The following GRM5 variants were observed in gnomAD, a reference collection of about 807,000 sequenced individuals.
The protein encoded by GRM5 is glutamate metabotropic receptor 5.
GRM5 carries 19 observed loss-of-function variants against 83.1 expected under a neutral mutation model. That is an observed-to-expected ratio of 0.23 (90% CI 0.16 to 0.34). GRM5 has a LOEUF of 0.34. Ranked by LOEUF, GRM5 falls within the 10% of genes least tolerant of loss-of-function variation. The probability of loss-of-function intolerance (pLI) is 1.00; values close to 1 mark genes in which losing one functional copy is unlikely to be tolerated. For missense variants in GRM5, 1,160 were observed against 1,588.3 expected (o/e 0.73, Z 4.58); for synonymous variants, 675 against 633.6 (o/e 1.07, Z -0.98).
intron 3 of GRM5, among the ~76,000 whole-genome samples, chr11:88,820,840 A>G (rs908322876): frequency 6.6e-6 from 1 of 152,346 alleles, no homozygotes; most frequent in East Asian, 1.9e-4. Flanking sequence ...CAAGTAGAAA[A>G]TACAGTGAGC....
At chr11:88,891,412 G>A (rs316109) in intron 2 of GRM5, among the ~76,000 whole-genome samples, 147,022 of 152,136 alleles carry the variant, frequency 0.97, 71,075 homozygotes, top group East Asian at 0.99. Context: ...TTCAAGTTTC[G>A]AAATTGTCTT....
chr11:88,625,584 A>G (rs538248806), intron 4 of GRM5, among the ~76,000 whole-genome samples: 4 of 152,128 alleles, frequency 2.6e-5, no homozygotes, highest in Non-Finnish European at 5.9e-5. Context: ...AGGCCATGCA[A>G]CTTACTCTTA....
intron 9 of GRM5, among the ~76,000 whole-genome samples, chr11:88,512,858 C>T (rs1007470851): frequency 6.6e-6 from 1 of 152,156 alleles, no homozygotes; most frequent in Non-Finnish European, 1.5e-5. Context: ...ATTTTGAACC[C>T]TGGTTTAAGG....
intron 7 of GRM5, among the ~76,000 whole-genome samples, chr11:88,577,088 T>C (rs1943127145): frequency 6.6e-6 from 1 of 152,088 alleles, no homozygotes; most frequent in African/African-American, 2.4e-5. Context: ...ATTCCTTCTG[T>C]GTTCCCATAT....
intron 3 of GRM5, among the ~76,000 whole-genome samples, chr11:88,754,104 C>A (rs1458481962): frequency 6.6e-6 from 1 of 151,958 alleles, no homozygotes; most frequent in Non-Finnish European, 1.5e-5. Context: ...TATGTAGGCA[C>A]CAAAAGGAAT....
intron 3 of GRM5, among the ~76,000 whole-genome samples, chr11:88,730,811 T>G (rs1273047098): frequency 6.6e-6 from 1 of 152,052 alleles, no homozygotes; most frequent in Non-Finnish European, 1.5e-5. Context: ...AAGTGGAAGT[T>G]GAACAATGAG....
chr11:89,053,889 C>T (rs183410447), intron 1 of GRM5, among the ~76,000 whole-genome samples: 1 of 152,116 alleles, frequency 6.6e-6, no homozygotes. Flanking sequence ...CTAAGACAGA[C>T]TTAATATTTA....
chr11:89,054,541 A>G (rs1941831370), intron 1 of GRM5, among the ~76,000 whole-genome samples: 1 of 152,198 alleles, frequency 6.6e-6, no homozygotes, highest in African/African-American at 2.4e-5. Flanking sequence ...AGGTGTGAGT[A>G]TACAGAAGTC....
At chr11:89,046,450 A>C (rs1276492558) in intron 2 of GRM5, among the ~76,000 whole-genome samples, 1 of 152,130 alleles carries the variant, frequency 6.6e-6, no homozygotes, top group East Asian at 1.9e-4. Context: ...AGGTCAAAAC[A>C]AATTTTTTCC....
chr11:88,820,539 ACTATGATGAACCTGG>A (rs1289145980), intron 3 of GRM5, among the ~76,000 whole-genome samples: 3 of 152,148 alleles, frequency 2.0e-5, no homozygotes, highest in Non-Finnish European at 4.4e-5. Context: ...AATTTGAAAA[ACTATGATGAACCTGG>A]CTTTTACAGT....
intron 8 of GRM5, among the ~76,000 whole-genome samples, chr11:88,548,035 G>A (rs530472262): frequency 2.2e-4 from 33 of 152,324 alleles, no homozygotes; most frequent in South Asian, 6.2e-4. Context: ...GACCAAAAAT[G>A]TGTGTCCAGG....
At chr11:88,963,765 G>A (rs675069) in intron 2 of GRM5, among the ~76,000 whole-genome samples, 134,490 of 152,114 alleles carry the variant, frequency 0.88, 61,712 homozygotes, top group Non-Finnish European at 0.99. Context: ...TATAAAATAC[G>A]TGGCATTCTC....
chr11:88,861,422 T>C (rs972938), intron 2 of GRM5, among the ~76,000 whole-genome samples: 67,583 of 151,818 alleles, frequency 0.45, 15,368 homozygotes, highest in East Asian at 0.57. Context: ...CTTCAAGAGT[T>C]GGCTGAAAGT....
intron 3 of GRM5, among the ~76,000 whole-genome samples, chr11:88,841,153 A>G (rs1312833732): frequency 6.6e-6 from 1 of 152,150 alleles, no homozygotes; most frequent in Non-Finnish European, 1.5e-5. Flanking sequence ...TTCTTTACTA[A>G]TAAATGTTCT....
At position 88,804,854 on chromosome 11, in the gene GRM5, A is replaced by T. The variant is rs542211722; in HGVS notation, c.911+45052T>A. Among the ~76,000 whole-genome samples, 23 of 152,220 alleles carry T rather than the reference A, an allele frequency of 1.5e-4. No homozygotes were observed. In the East Asian group the frequency reaches 3.5e-3, roughly 23 times the overall value. On this transcript the variant is annotated intron_variant, in intron 3 of 9. Transcript: ENST00000305447. ...GGGTGGCAGAGGATGAGGGATGAGA[A>T]ATTACTTAATGGGTACAATGTACCT... is the stretch of plus-strand genomic sequence containing the variant.
chr11:88,752,675 G>A (rs1405305143), intron 3 of GRM5, among the ~76,000 whole-genome samples: 3 of 152,146 alleles, frequency 2.0e-5, no homozygotes, highest in Non-Finnish European at 4.4e-5. Context: ...CAAAGCTGAA[G>A]GCATCATGCT....
intron 3 of GRM5, among the ~76,000 whole-genome samples, chr11:88,781,074 A>C (rs1257532782): frequency 6.6e-6 from 1 of 150,888 alleles, no homozygotes; most frequent in Non-Finnish European, 1.5e-5. Flanking sequence ...AAAACACATA[A>C]ATTAGACAAT....
intron 2 of GRM5, among the ~76,000 whole-genome samples, chr11:88,955,879 G>A (rs1294604975): frequency 1.3e-5 from 2 of 152,202 alleles, no homozygotes; most frequent in Admixed American, 1.3e-4. Context: ...TTATCTGAAA[G>A]CCTTGTTATT....
chr11:88,851,058 G>A (rs907608019), intron 2 of GRM5, among the ~76,000 whole-genome samples: 4 of 152,080 alleles, frequency 2.6e-5, no homozygotes, highest in Non-Finnish European at 4.4e-5. Flanking sequence ...GCAGTAAGTG[G>A]AGGGCTGAAC....
Sources: allele counts gnomAD v4.1 joint callset (sites outside exome capture counted in the v4.1 genomes callset), GRCh38; gene constraint gnomAD v4.1.1; transcripts MANE v1.5; gene names NCBI Gene and HGNC (gene_info 2026-07-23, HGNC 2026-07-21).